The following CFTR variants were observed in gnomAD, a reference collection of about 807,000 sequenced individuals.
The protein encoded by CFTR is CF transmembrane conductance regulator.
A neutral mutation model predicts 171.6 loss-of-function variants in CFTR; 181 were observed. The ratio of observed to expected loss-of-function variants is 1.05; its 90% CI spans 0.93 to 1.19. CFTR has a LOEUF of 1.19. CFTR is among the 50% of genes most tolerant of loss of function. The pLI is 0.00. For missense variants in CFTR, 1,968 were observed against 1,734.7 expected (o/e 1.13, Z -2.39); for synonymous variants, 583 against 608.0 (o/e 0.96, Z 0.60).
At chr7:117,633,010 T>C (rs1417337501) in intron 22 of CFTR, among the ~76,000 whole-genome samples, 2 of 152,198 alleles carry the variant, frequency 1.3e-5, no homozygotes, top group Admixed American at 6.5e-5. Context: ...CTTTTGCCTC[T>C]CTTTATGTAC....
At chr7:117,556,697 T>A (rs1330703902) in intron 10 of CFTR, among the ~76,000 whole-genome samples, 1 of 149,798 alleles carries the variant, frequency 6.7e-6, no homozygotes, top group Non-Finnish European at 1.5e-5. Flanking sequence ...TTTTTTGTAT[T>A]TTTAGTAGAG....
chr7:117,510,044 ACTTAT>A (rs1584776839), intron 3 of CFTR, among the ~76,000 whole-genome samples: 1 of 152,148 alleles, frequency 6.6e-6, no homozygotes, highest in Non-Finnish European at 1.5e-5. Context: ...TACATTTAAA[ACTTAT>A]CTTAACAAAG....
At chr7:117,602,558 C>T (rs1343737465) in intron 15 of CFTR, among the ~76,000 whole-genome samples, 2 of 152,142 alleles carry the variant, frequency 1.3e-5, no homozygotes, top group Non-Finnish European at 2.9e-5. Flanking sequence ...TCAATAGTTT[C>T]TATTGAGTAA....
At chr7:117,600,169 C>T (rs1792201066) in intron 15 of CFTR, among the ~76,000 whole-genome samples, 1 of 151,948 alleles carries the variant, frequency 6.6e-6, no homozygotes, top group African/African-American at 2.4e-5. Flanking sequence ...TTTGTTAGCA[C>T]TTACCATTTT....
intron 9 of CFTR, among the ~76,000 whole-genome samples, chr7:117,545,515 C>T (rs1799125826): frequency 6.6e-6 from 1 of 152,174 alleles, no homozygotes; most frequent in African/African-American, 2.4e-5. Flanking sequence ...CCTCAAGGTT[C>T]TTGTTCATCA....
At chr7:117,577,071 C>T (rs892566914) in intron 11 of CFTR, among the ~76,000 whole-genome samples, 4 of 152,032 alleles carry the variant, frequency 2.6e-5, no homozygotes, top group African/African-American at 9.7e-5. Context: ...GGAGACTTTA[C>T]AGAGGAAATT....
At chr7:117,583,841 T>A (rs1456247979) in intron 11 of CFTR, among the ~76,000 whole-genome samples, 1 of 152,122 alleles carries the variant, frequency 6.6e-6, no homozygotes, top group Non-Finnish European at 1.5e-5. Context: ...CATCTATTAT[T>A]TTTTGACTTT....
In CFTR at chr7:117,562,665, T is replaced by C. The variant is rs548508971; in HGVS notation, c.1584+3010T>C. Among the ~76,000 whole-genome samples, 4 of 152,254 alleles carry C rather than the reference T, an allele frequency of 2.6e-5. No individual in the cohort carries two copies. The South Asian group carries it at 8.3e-4, about 32-fold the overall frequency. ...TGGGTATGAAATGACAACTTTATTG[T>C]CTTTCCTGTCAAAGAACTTGTAGGC... On this transcript the variant is annotated intron_variant, in intron 11 of 26. Transcript: ENST00000003084.
intron 22 of CFTR, among the ~76,000 whole-genome samples, chr7:117,639,882 T>C (rs953885418): frequency 2.0e-5 from 3 of 152,154 alleles, no homozygotes; most frequent in Non-Finnish European, 4.4e-5. Context: ...TCAGTTGACT[T>C]GTCATCTTGA....
At chr7:117,591,553 A>C (rs146429067) in intron 13 of CFTR, among the ~76,000 whole-genome samples, 39 of 152,280 alleles carry the variant, frequency 2.6e-4, no homozygotes, top group African/African-American at 8.9e-4. Flanking sequence ...CAAAGCTCTG[A>C]CATTTAAAAG....
chr7:117,626,016 G>A (rs1300688187), intron 21 of CFTR, among the ~76,000 whole-genome samples: 1 of 152,062 alleles, frequency 6.6e-6, no homozygotes, highest in Non-Finnish European at 1.5e-5. Flanking sequence ...TGTGGGCTTT[G>A]GGTCCTTTTC....
intron 11 of CFTR, among the ~76,000 whole-genome samples, chr7:117,572,559 A>G (rs550158493): frequency 6.6e-6 from 1 of 152,272 alleles, no homozygotes; most frequent in Non-Finnish European, 1.5e-5. Flanking sequence ...GTTCACATGT[A>G]TAGTAGCTGT....
At chr7:117,516,057 C>T (rs1798591723) in intron 3 of CFTR, among the ~76,000 whole-genome samples, 1 of 152,162 alleles carries the variant, frequency 6.6e-6, no homozygotes, top group Admixed American at 6.6e-5. Context: ...GGTTTTGCAA[C>T]TTAGACTGGA....
intron 22 of CFTR, among the ~76,000 whole-genome samples, chr7:117,634,742 C>T (rs1169764882): frequency 6.6e-6 from 1 of 151,910 alleles, no homozygotes; most frequent in Non-Finnish European, 1.5e-5. Context: ...GTTTAATCAC[C>T]ATTTTTAAAA....
chr7:117,480,037 T>C lies in CFTR; in HGVS notation c.-58T>C. On this transcript the variant is annotated 5_prime_UTR_variant, in exon 1 of 27. Coordinates refer to ENST00000003084, the MANE Select transcript of CFTR (RefSeq NM_000492.4). Reference sequence around the variant, plus strand: ...GCAGGCACCCAGAGTAGTAGGTCTTTGGCATTAGGAGCTTGAGCCCAGACG... The same window carrying C: ...GCAGGCACCCAGAGTAGTAGGTCTTCGGCATTAGGAGCTTGAGCCCAGACG... 6.6e-7 allele frequency: 1 copy of C among 1,520,472 alleles called. No individual in the cohort carries two copies. The highest frequency in any genetic ancestry group is 9.1e-7 in the Non-Finnish European group (1 of 1,095,104). 94.2% of individuals were successfully genotyped at this position (1,520,472 alleles called of 1,614,324 possible).
At chr7:117,628,188 CA>C (rs1792686239) in intron 22 of CFTR, among the ~76,000 whole-genome samples, 1 of 151,934 alleles carries the variant, frequency 6.6e-6, no homozygotes, top group Non-Finnish European at 1.5e-5. Context: ...TAGCTTTTTT[CA>C]GTTTGTTTGT....
Position 117,630,788 on chromosome 7 carries a change from C to T in CFTR, c.3717+3018C>T, listed in dbSNP as rs34567454. ...TGATGTAAACACTTGAGGGGTGGTT[C>T]GGAGATTCTCTGGGACCCTTTTATT... On this transcript the variant is annotated intron_variant, in intron 22 of 26. Transcript: ENST00000003084. Among the ~76,000 whole-genome samples, 8 of 151,914 alleles carry T rather than the reference C, an allele frequency of 5.3e-5. No individual in the cohort carries two copies. In the South Asian group the frequency reaches 1.0e-3, roughly 20 times the overall value.
intron 1 of CFTR, chr7:117,487,991 C>T (rs1241894489): frequency 2.0e-5 from 3 of 152,072 alleles, no homozygotes; most frequent in African/African-American, 4.8e-5. Flanking sequence ...AGGGGGCTCC[C>T]TTTGTACGTT....
intron 6 of CFTR, among the ~76,000 whole-genome samples, chr7:117,536,070 T>A (rs990615464): frequency 6.6e-6 from 1 of 152,226 alleles, no homozygotes; most frequent in Non-Finnish European, 1.5e-5. Flanking sequence ...AGAGCCTTAG[T>A]TACTTTGTGT....
Sources: gnomAD v4.1 joint callset for allele counts (sites outside exome capture counted in the v4.1 genomes callset) on GRCh38, gnomAD v4.1.1 for gene constraint, MANE v1.5 for transcripts, NCBI Gene and HGNC (gene_info 2026-07-23, HGNC 2026-07-21) for gene names.